SHISAL2B: variants seen among roughly 807,000 people sequenced by gnomAD.
The protein encoded by SHISAL2B is shisa like 2B, also known as protein shisa-like-2B.
SHISAL2B carries 12 observed loss-of-function variants against 16.5 expected under a neutral mutation model. That is an observed-to-expected ratio of 0.73 (90% CI 0.47 to 1.18). The LOEUF is 1.18. SHISAL2B is among the 50% of genes most tolerant of loss of function. The pLI is 0.00. For missense variants in SHISAL2B, 183 were observed against 193.6 expected, an observed-to-expected ratio of 0.95 and a Z score of 0.33; for synonymous variants, 72 against 75.0, an observed-to-expected ratio of 0.96 and a Z score of 0.21.
At chr5:64,698,915 T>A (rs933832436) in intron 2 of SHISAL2B, among the ~76,000 whole-genome samples, 1 of 152,192 alleles carries the variant, frequency 6.6e-6, no homozygotes, top group African/African-American at 2.4e-5. Context: ...CATAAAACAT[T>A]CATTGATTGC....
intron 1 of SHISAL2B, among the ~76,000 whole-genome samples, chr5:64,692,928 G>C (rs1741671596): frequency 6.6e-6 from 1 of 152,104 alleles, no homozygotes; most frequent in Admixed American, 6.5e-5. Context: ...TTATTGAAAT[G>C]AATATTTTAG....
chr5:64,709,942 T>C (rs1206464038), intron 2 of SHISAL2B, among the ~76,000 whole-genome samples: 1 of 151,092 alleles, frequency 6.6e-6, no homozygotes, highest in Non-Finnish European at 1.5e-5. Flanking sequence ...ATTAGCCCTT[T>C]GTCAGATGAG....
chr5:64,698,901 C>T (rs1741772117), intron 2 of SHISAL2B, among the ~76,000 whole-genome samples: 1 of 152,198 alleles, frequency 6.6e-6, no homozygotes, highest in African/African-American at 2.4e-5. Flanking sequence ...GTCACTGTCA[C>T]AGTCATAAAA....
chr5:64,717,170 A>C (rs1040478181), intron 2 of SHISAL2B, among the ~76,000 whole-genome samples: 1 of 152,206 alleles, frequency 6.6e-6, no homozygotes, highest in African/African-American at 2.4e-5. Context: ...GCTGCTAAGA[A>C]ATCAAAGAAG....
At chr5:64,698,038 A>G (rs1254912986) in intron 2 of SHISAL2B, among the ~76,000 whole-genome samples, 1 of 152,258 alleles carries the variant, frequency 6.6e-6, no homozygotes, top group African/African-American at 2.4e-5. Flanking sequence ...AGCTGAATTT[A>G]GTACAAATGA....
At chr5:64,710,576 A>C (rs1241417761) in intron 2 of SHISAL2B, among the ~76,000 whole-genome samples, 3 of 83,010 alleles carry the variant, frequency 3.6e-5, no homozygotes, top group Non-Finnish European at 6.3e-5. Context: ...CTGTGCAGAA[A>C]GTCATTGGTA....
Position 64,690,773 on chromosome 5 carries a change from C to A in SHISAL2B, c.150C>A (p.Gly50=), listed in dbSNP as rs746371062. Residue 50 remains glycine (G), a synonymous_variant, in exon 1 of 3, where the codon GGC becomes GGA. Transcript: ENST00000389074. ...TCAAGTACTGCTGCAGCGAGCCGGG[C>A]AGCTACTTCCCCTACAAGCACAGCT... ...ADLKYCCSEP[G]SYFPYKHSYM... is the part of the protein sequence containing the mutation. The A allele has an allele frequency of 4.6e-5, 71 of 1,544,512 alleles. 1 individual carries two copies. The Admixed American group carries it at 1.3e-3, about 29-fold the overall frequency.
At chr5:64,716,775 A>G (rs1742061945) in intron 2 of SHISAL2B, among the ~76,000 whole-genome samples, 1 of 152,190 alleles carries the variant, frequency 6.6e-6, no homozygotes, top group Non-Finnish European at 1.5e-5. Context: ...GAAGTAGAAA[A>G]AAATGAAGTC....
At chr5:64,709,124 T>G (rs1408292238) in intron 2 of SHISAL2B, among the ~76,000 whole-genome samples, 1 of 148,704 alleles carries the variant, frequency 6.7e-6, no homozygotes, top group East Asian at 2.0e-4. Context: ...GCCATGCTGG[T>G]GCACTGCACC....
chr5:64,694,067 T>C (rs1164465522), intron 1 of SHISAL2B: 1 of 455,694 alleles, frequency 2.2e-6, no homozygotes, highest in Admixed American at 2.4e-5. Flanking sequence ...AAATTCTCCC[T>C]TCCCTCCCTT....
chr5:64,701,217 G>A (rs973309980), intron 2 of SHISAL2B, among the ~76,000 whole-genome samples: 1 of 152,106 alleles, frequency 6.6e-6, no homozygotes, highest in African/African-American at 2.4e-5. Context: ...TTTGATCCAT[G>A]GTTGGTTGAA....
rs115984988 is a variant in SHISAL2B at position 64,694,418 on chromosome 5, A to G, written c.192-1089A>G. On this transcript the variant is annotated intron_variant, in intron 1 of 2. Transcript: ENST00000389074. ...TGTGGTTCAAGAAGTACATGTTAGCATATTAGTCTTTCAAGATAATGCTTT... is the reference window on the plus strand; with the variant it reads ...TGTGGTTCAAGAAGTACATGTTAGCGTATTAGTCTTTCAAGATAATGCTTT... 1.9e-3 allele frequency among the ~76,000 whole-genome samples: 286 copies of G among 152,340 alleles called. 2 individuals are homozygous for G. Among genetic ancestry groups the G allele is most frequent in the African/African-American group, 6.5e-3 (271 of 41,580 alleles).
intron 2 of SHISAL2B, among the ~76,000 whole-genome samples, chr5:64,706,874 G>GA (rs1188165087): frequency 6.6e-6 from 1 of 151,778 alleles, no homozygotes; most frequent in Non-Finnish European, 1.5e-5. Context: ...TTCAACGTAG[G>GA]AAAAATAGGG....
intron 2 of SHISAL2B, among the ~76,000 whole-genome samples, chr5:64,701,669 C>T (rs2112062462): frequency 6.6e-6 from 1 of 152,082 alleles, no homozygotes; most frequent in South Asian, 2.1e-4. Flanking sequence ...AAACAACAAG[C>T]CTGTATTTGA....
chr5:64,700,038 G>C (rs547500647), intron 2 of SHISAL2B, among the ~76,000 whole-genome samples: 3 of 152,172 alleles, frequency 2.0e-5, no homozygotes, highest in Admixed American at 1.3e-4. Flanking sequence ...TTTGTGTTTC[G>C]GGTTATGCAT....
chr5:64,693,198 G>A (rs548954882), intron 1 of SHISAL2B, among the ~76,000 whole-genome samples: 76 of 151,838 alleles, frequency 5.0e-4, no homozygotes, highest in African/African-American at 1.8e-3. Context: ...TAGTAGAGAC[G>A]GGGTTTCACC....
intron 2 of SHISAL2B, among the ~76,000 whole-genome samples, chr5:64,699,024 C>G (rs1273236996): frequency 6.6e-6 from 1 of 152,154 alleles, no homozygotes; most frequent in African/African-American, 2.4e-5. Context: ...GACTTTAGAA[C>G]ATAGCAACAG....
At chr5:64,696,379 A>G (rs1377648324) in intron 2 of SHISAL2B, among the ~76,000 whole-genome samples, 2 of 152,222 alleles carry the variant, frequency 1.3e-5, no homozygotes, top group Non-Finnish European at 2.9e-5. Context: ...GCACCTTGAA[A>G]AAGAACAGAA....
intron 2 of SHISAL2B, among the ~76,000 whole-genome samples, chr5:64,710,378 T>A (rs1741941641): frequency 1.1e-5 from 1 of 91,596 alleles, no homozygotes; most frequent in Non-Finnish European, 2.0e-5. Flanking sequence ...AGGGCTCTGT[T>A]CTGTTCCATT....
Sources: allele counts gnomAD v4.1 joint callset (sites outside exome capture counted in the v4.1 genomes callset), GRCh38; gene constraint gnomAD v4.1.1; transcripts MANE v1.5; gene names NCBI Gene and HGNC (gene_info 2026-07-23, HGNC 2026-07-21).